Variants in ADAM2 observed in about 807,000 individuals in gnomAD.
ADAM2 encodes the protein ADAM metallopeptidase domain 2, also known as disintegrin and metalloproteinase domain-containing protein 2.
In ADAM2, 101 loss-of-function variants were observed where a neutral mutation model predicts 99.3. The observed-to-expected ratio is 1.02, with a 90% CI of 0.87 to 1.20. The LOEUF (loss-of-function observed/expected upper bound fraction) is 1.20, where lower values mean the gene tolerates loss of function less well. Ranked by LOEUF, ADAM2 falls within the 50% of genes most tolerant of loss-of-function variation. The pLI, the probability that ADAM2 is intolerant of heterozygous loss-of-function variation, is 0.00. For synonymous variants in ADAM2, 323 were observed against 287.6 expected, an observed-to-expected ratio of 1.12 and a Z score of -1.25; for missense variants, 948 against 878.7, an observed-to-expected ratio of 1.08 and a Z score of -1.00.
chr8:39,800,345 T>TA (rs1804149585), intron 7 of ADAM2, among the ~76,000 whole-genome samples: 1 of 152,216 alleles, frequency 6.6e-6, no homozygotes, highest in Non-Finnish European at 1.5e-5. Flanking sequence ...GAATGTTGAA[T>TA]ATTGGCTCCC....
At chr8:39,802,692 C>G (rs903404563) in intron 7 of ADAM2, among the ~76,000 whole-genome samples, 2 of 152,030 alleles carry the variant, frequency 1.3e-5, no homozygotes, top group Non-Finnish European at 2.9e-5. Context: ...GCCCAATGTG[C>G]GAGACACTCA....
Sources: allele counts gnomAD v4.1 joint callset (sites outside exome capture counted in the v4.1 genomes callset), GRCh38; gene constraint gnomAD v4.1.1; transcripts MANE v1.5; gene names NCBI Gene and HGNC (gene_info 2026-07-23, HGNC 2026-07-21).